The following IL19 variants were observed in gnomAD, a reference collection of about 807,000 sequenced individuals.
IL19 encodes interleukin 19.
A neutral mutation model predicts 19.5 loss-of-function variants in IL19; 15 were observed. The ratio of observed to expected loss-of-function variants is 0.77; its 90% CI spans 0.52 to 1.19. IL19 has a LOEUF of 1.19. Among genes scored for constraint, IL19 ranks in the 50% most tolerant of loss-of-function variants. IL19 has a pLI of 0.00. For synonymous variants in IL19, 78 were observed against 78.3 expected (o/e 1.00, Z 0.02); for missense variants, 199 against 213.1 (o/e 0.93, Z 0.41).
chr1:206,794,901 G>A (rs1028899852), intron 1 of IL19, among the ~76,000 whole-genome samples: 4 of 152,162 alleles, frequency 2.6e-5, no homozygotes, highest in Non-Finnish European at 5.9e-5. Context: ...AAGTGCTGTG[G>A]GATGGAAAAT....
chr1:206,815,618 A>G (rs1002343989), intron 2 of IL19, among the ~76,000 whole-genome samples: 4 of 152,204 alleles, frequency 2.6e-5, no homozygotes, highest in African/African-American at 9.6e-5. Flanking sequence ...TTTGGAGATT[A>G]ACATCAGCAA....
At chr1:206,798,545 AT>A (rs200934952) in intron 1 of IL19, among the ~76,000 whole-genome samples, 300 of 150,734 alleles carry the variant, frequency 2.0e-3, no homozygotes, top group Non-Finnish European at 2.6e-3. Flanking sequence ...TTATATACAC[AT>A]TTTTTTTTCT....
intron 2 of IL19, among the ~76,000 whole-genome samples, chr1:206,819,346 G>A (rs1387479280): frequency 6.6e-6 from 1 of 152,044 alleles, no homozygotes; most frequent in Non-Finnish European, 1.5e-5. Context: ...AGCACTTTGG[G>A]AGGCTGAGGC....
chr1:206,798,669 C>T (rs929966276), intron 1 of IL19, among the ~76,000 whole-genome samples, 192 bp from the exon 2 acceptor site: 1 of 152,060 alleles, frequency 6.6e-6, no homozygotes, highest in African/African-American at 2.4e-5. Context: ...CACCGAGAAA[C>T]ACCACTGTCC....
intron 2 of IL19, among the ~76,000 whole-genome samples, chr1:206,817,972 C>T (rs1676204238): frequency 6.6e-6 from 1 of 152,062 alleles, no homozygotes; most frequent in Admixed American, 6.5e-5. Flanking sequence ...CCATGTTGGC[C>T]AGGCTGGTCT....
intron 1 of IL19, among the ~76,000 whole-genome samples, chr1:206,773,759 C>G (rs541544614): frequency 6.6e-6 from 1 of 152,296 alleles, no homozygotes; most frequent in South Asian, 2.1e-4. Flanking sequence ...ATTGAGCCTT[C>G]ACCTTCCCCT....
At chr1:206,771,148 T>A in intron 1 of IL19, 70 bp downstream of exon 1, 3 of 1,444,224 alleles carry the variant, frequency 2.1e-6, no homozygotes, top group South Asian at 2.3e-5. Context: ...GACAGCTTGG[T>A]TCTAGCGATC....
At chr1:206,829,561 A>G (rs1676533500) in intron 2 of IL19, among the ~76,000 whole-genome samples, 1 of 152,196 alleles carries the variant, frequency 6.6e-6, no homozygotes, top group Admixed American at 6.5e-5. Flanking sequence ...GGCGAAGTCC[A>G]GGCTGTGATG....
rs12028710 is a variant in IL19, at chr1:206,779,035, C to T, written c.-149+7957C>T. 2.3e-3 allele frequency among the ~76,000 whole-genome samples: 348 copies of T among 152,206 alleles called. 1 individual carries two copies. Among genetic ancestry groups the T allele is most frequent in the East Asian group, 0.021 (109 of 5,178 alleles). ...ATGTCCGGGGTCCAGGGTCTAAAAC[C>T]GCTCGTGGCCTTTGGAACACCAAGC... On this transcript the variant is annotated intron_variant, in intron 1 of 6. Transcript: ENST00000659997.
At chr1:206,771,817 G>A (rs1033444036) in intron 1 of IL19, among the ~76,000 whole-genome samples, 3 of 152,126 alleles carry the variant, frequency 2.0e-5, no homozygotes, top group African/African-American at 7.2e-5. Context: ...AAGATCCCAG[G>A]GATTAAGAAG....
chr1:206,830,200 T>G (rs1420842248), intron 2 of IL19, among the ~76,000 whole-genome samples: 1 of 152,182 alleles, frequency 6.6e-6, no homozygotes, highest in African/African-American at 2.4e-5. Flanking sequence ...TTCCTTGCGG[T>G]GCCATGGAGG....
At chr1:206,825,757 C>T (rs1393630894) in intron 2 of IL19, among the ~76,000 whole-genome samples, 2 of 152,200 alleles carry the variant, frequency 1.3e-5, no homozygotes, top group East Asian at 1.9e-4. Context: ...GCCAAAACCC[C>T]GTGCAGGTGG....
At chr1:206,840,905 G>A in intron 5 of IL19, 99 bp from the exon 6 acceptor site, 1 of 935,984 alleles carries the variant, frequency 1.1e-6, no homozygotes, top group Admixed American at 1.9e-5. Context: ...CTCACTGTGG[G>A]AGGGAGGAGA....
chr1:206,793,786 G>A (rs1675459323), intron 1 of IL19, among the ~76,000 whole-genome samples: 2 of 152,242 alleles, frequency 1.3e-5, no homozygotes, highest in African/African-American at 4.8e-5. Flanking sequence ...CATAGTTCGA[G>A]TGCTTGTTAT....
chr1:206,775,614 G>A (rs139748494), intron 1 of IL19, among the ~76,000 whole-genome samples: 2,180 of 152,280 alleles, frequency 0.014, 53 homozygotes, highest in African/African-American at 0.05. Flanking sequence ...TAAAGACCCT[G>A]TGTCCTTATA....
At chr1:206,775,097 G>A (rs1674957811) in intron 1 of IL19, among the ~76,000 whole-genome samples, 1 of 151,612 alleles carries the variant, frequency 6.6e-6, no homozygotes, top group African/African-American at 2.4e-5. Context: ...CTGGAGTGCA[G>A]TGGCATGATC....
At chr1:206,808,865 A>G (rs569619865) in intron 2 of IL19, among the ~76,000 whole-genome samples, 1 of 152,324 alleles carries the variant, frequency 6.6e-6, no homozygotes, top group Admixed American at 6.5e-5. Context: ...GATGTAGTGA[A>G]GAGGCTGCAG....
chr1:206,810,093 G>A (rs535480002), intron 2 of IL19, among the ~76,000 whole-genome samples: 1 of 152,322 alleles, frequency 6.6e-6, no homozygotes, highest in African/African-American at 2.4e-5. Context: ...ACTCAGAATA[G>A]TTTATACACT....
chr1:206,834,261 A>G lies in IL19; in HGVS notation c.-2-2400A>G, dbSNP rs568342945. On this transcript the variant is annotated intron_variant, in intron 2 of 6. Coordinates refer to ENST00000659997, the MANE Select transcript of IL19 (RefSeq NM_153758.5). ...ACTAAGAAAACAAGGGGAAAAAACA[A>G]TCTCCCCAAGGTGGATCCACCCAGC... The G allele has an allele frequency of 7.0e-5, 69 of 985,484 alleles. No homozygotes were observed. In the Admixed American group the frequency reaches 2.2e-3, roughly 32 times the overall value. The allele number at this position is 985,484 out of a possible 1,614,324, so 61.0% of individuals were successfully genotyped here.
Sources: allele counts gnomAD v4.1 joint callset (sites outside exome capture counted in the v4.1 genomes callset), GRCh38; gene constraint gnomAD v4.1.1; transcripts MANE v1.5; gene names NCBI Gene and HGNC (gene_info 2026-07-23, HGNC 2026-07-21).